Variants in MYL2 observed in about 807,000 individuals in gnomAD.
The protein encoded by MYL2 is myosin light chain 2, also known as myosin regulatory light chain 2, ventricular/cardiac muscle isoform.
Under a neutral mutation model 23.0 loss-of-function variants are expected in MYL2, and 19 were observed. The ratio of observed to expected loss-of-function variants is 0.83; its 90% CI spans 0.58 to 1.21. The LOEUF (loss-of-function observed/expected upper bound fraction) is 1.21, where lower values mean the gene tolerates loss of function less well. Ranked by LOEUF, MYL2 falls within the 50% of genes most tolerant of loss-of-function variation. The pLI is 0.00. For missense variants in MYL2, 180 were observed against 215.1 expected (o/e 0.84, Z 1.02); for synonymous variants, 78 against 76.2 (o/e 1.02, Z -0.13).
chr12:110,915,925 A>G (rs1409880780), intron 2 of MYL2, 135 bp from the exon 3 acceptor site: 7 of 789,030 alleles, frequency 8.9e-6, no homozygotes, highest in Non-Finnish European at 1.6e-5. Context: ...TTAAAAGTCA[A>G]CAATTGAAGA....
chr12:110,911,967 G>A (rs2071655714), intron 6 of MYL2, among the ~76,000 whole-genome samples: 1 of 152,200 alleles, frequency 6.6e-6, no homozygotes, highest in Admixed American at 6.5e-5. Context: ...AATCTCCTAT[G>A]AGGTAGCTTC....
upstream of MYL2, chr12:110,920,863 GA>G (rs1413287869): frequency 2.3e-5 from 11 of 475,802 alleles, no homozygotes; most frequent in East Asian, 7.4e-5. Context: ...TCAATTTTGA[GA>G]AAAAAAATGG....
intron 4 of MYL2, 55 bp downstream of exon 4, chr12:110,914,131 C>T: frequency 9.1e-6 from 12 of 1,314,452 alleles, no homozygotes; most frequent in Non-Finnish European, 1.2e-5. Flanking sequence ...TGCCAGCCCC[C>T]CCGAAGAAAC....
In MYL2 at chr12:110,919,149, G is replaced by A. The variant is rs552004172; in HGVS notation, c.48C>T (p.Asn16=). 46 of 1,613,862 alleles carry A rather than the reference G, an allele frequency of 2.9e-5. No homozygotes were observed. The highest frequency in any genetic ancestry group is 8.8e-5 in the South Asian group (8 of 91,062). ...GGGTCTGTTCGAACATGGAGAACAC[G>A]TTGGAGTTGGCGCCCCCGGCTCTCT... ...AKKRAGGANS[N]VFSMFEQTQI... is the part of the protein sequence containing the mutation. Residue 16 remains asparagine (N), a synonymous_variant, in exon 2 of 7, where the codon AAC becomes AAT. Coordinates refer to ENST00000228841, the MANE Select transcript of MYL2 (RefSeq NM_000432.4).
In MYL2 at chr12:110,913,017, A is replaced by G; in HGVS notation, c.402+79T>C. On this transcript the variant is annotated intron_variant, in intron 6 of 6. Transcript: ENST00000228841. ...GTCAGTGTGGGGTCAGGGGTGCTTT[A>G]GACGAGAGGGGAGACGGAGCCCCCC... is the stretch of plus-strand genomic sequence containing the variant. The G allele has an allele frequency of 3.3e-6, 5 of 1,504,442 alleles. No homozygotes were observed. In the South Asian group the frequency reaches 5.6e-5, roughly 17 times the overall value. The allele number at this position is 1,504,442 out of a possible 1,614,324, so 93.2% of individuals were successfully genotyped here.
At chr12:110,912,111 A>C (rs1258207500) in intron 6 of MYL2, among the ~76,000 whole-genome samples, 1 of 152,174 alleles carries the variant, frequency 6.6e-6, no homozygotes. Context: ...GAAAATCTAC[A>C]TACAATTTTT....
At chr12:110,917,873 C>T (rs563405356) in intron 2 of MYL2, among the ~76,000 whole-genome samples, 2 of 152,270 alleles carry the variant, frequency 1.3e-5, no homozygotes, top group South Asian at 2.1e-4. Flanking sequence ...TGCTCGAGCC[C>T]AGGAGTTTGA....
upstream of MYL2, chr12:110,920,758 G>T (rs2071718736): frequency 1.6e-6 from 1 of 631,498 alleles, no homozygotes; most frequent in South Asian, 1.9e-5. Flanking sequence ...CCCCAAAAAG[G>T]CATTCAAGGT....
At chr12:110,920,835 C>G (rs549333956), upstream of MYL2, 13 of 530,418 alleles carry the variant, frequency 2.5e-5, no homozygotes, top group Non-Finnish European at 3.7e-5. Context: ...GTGCTTGGGC[C>G]GGGGACACTT....
chr12:110,912,935 A>G (rs1479049799), intron 6 of MYL2, among the ~76,000 whole-genome samples, 161 bp downstream of exon 6: 10 of 152,162 alleles, frequency 6.6e-5, no homozygotes, highest in Non-Finnish European at 1.5e-5. Context: ...TCCCTACCTC[A>G]TAGGGTGGCA....
chr12:110,914,454 G>T, intron 3 of MYL2, 164 bp from the exon 4 acceptor site: 1 of 657,276 alleles, frequency 1.5e-6, no homozygotes. Flanking sequence ...GTTCTTGACA[G>T]TGTTATTTAT....
chr12:110,914,580 A>G (rs1157643002), intron 3 of MYL2, among the ~76,000 whole-genome samples: 1 of 152,136 alleles, frequency 6.6e-6, no homozygotes, highest in East Asian at 1.9e-4. Flanking sequence ...GTGTAGTGGT[A>G]CAATCTCGAC....
At position 110,915,781 on chromosome 12, in the gene MYL2, T is replaced by C. The variant is rs730880946; in HGVS notation, c.103A>G (p.Ile35Val). Residue 35 changes from isoleucine to valine, a missense_variant, in exon 3 of 7, where the codon ATC (isoleucine) becomes GTC (valine). Ile to Val is a conservative substitution (Grantham distance 29, BLOSUM62 3). Transcript: ENST00000228841. Reference protein sequence around the residue: ...QIQEFKEAFTIMDQNRDGFID... With the variant: ...QIQEFKEAFTVMDQNRDGFID... ...AAGCCATCCCTGTTCTGGTCCATGA[T>C]AGTGAAGGCCTGTGGAAGGGAAGTG... The C allele has an allele frequency of 1.2e-6, 2 of 1,614,096 alleles. No homozygotes were observed. The highest frequency in any genetic ancestry group is 1.7e-6 in the Non-Finnish European group (2 of 1,179,990).
intron 2 of MYL2, 33 bp downstream of exon 2, chr12:110,919,071 C>T (rs2071703326): frequency 6.2e-7 from 1 of 1,601,244 alleles, no homozygotes; most frequent in Non-Finnish European, 8.6e-7. Context: ...GTGGGATTTC[C>T]ATCCAGGCGG....
upstream of MYL2, chr12:110,920,655 C>A: frequency 2.0e-6 from 3 of 1,465,134 alleles, no homozygotes; most frequent in South Asian, 3.4e-5. Flanking sequence ...TTTTGGCAGT[C>A]ATAGGTGAGG....
chr12:110,913,804 G>C (rs551157774), intron 4 of MYL2, among the ~76,000 whole-genome samples: 1 of 152,148 alleles, frequency 6.6e-6, no homozygotes, highest in Non-Finnish European at 1.5e-5. Context: ...CAAGGCCGGA[G>C]TGCAGTGGCA....
intron 6 of MYL2, 112 bp downstream of exon 6, chr12:110,912,984 G>T: frequency 1.7e-6 from 2 of 1,174,890 alleles, no homozygotes; most frequent in South Asian, 1.2e-5. Context: ...GACGATAGCT[G>T]GTTCTCTGTC....
chr12:110,918,875 A>C lies in MYL2; in HGVS notation c.93+229T>G, dbSNP rs1452776172. Reference sequence around the variant, plus strand: ...TTTCCTTTTCTGTGCTTTTCTGAAAAATTTTCCAACATTTTTCAACATGGA... The same window carrying C: ...TTTCCTTTTCTGTGCTTTTCTGAAACATTTTCCAACATTTTTCAACATGGA... On this transcript the variant is annotated intron_variant, in intron 2 of 6. Transcript: ENST00000228841. This position sits in a 1 kb window ranked among gnomAD's most constrained non-coding sequence, Gnocchi z 4.4. The C allele has an allele frequency of 7.3e-6, 4 of 547,778 alleles. No individual in the cohort carries two copies. Among genetic ancestry groups the C allele is most frequent in the Non-Finnish European group, 6.5e-6 (2 of 308,536 alleles). 33.9% of individuals were successfully genotyped at this position (547,778 alleles called of 1,614,324 possible).
At chr12:110,919,043 G>A in intron 2 of MYL2, 61 bp downstream of exon 2, 1 of 1,495,556 alleles carries the variant, frequency 6.7e-7, no homozygotes, top group Non-Finnish European at 9.3e-7. Context: ...GGAACAAAAA[G>A]AAGGTTCTCC....
Sources: gnomAD v4.1 joint callset for allele counts (sites outside exome capture counted in the v4.1 genomes callset) on GRCh38, gnomAD v4.1.1 for gene constraint, Gnocchi (gnomAD v3.1) non-coding constraint, MANE v1.5 for transcripts, NCBI Gene and HGNC (gene_info 2026-07-23, HGNC 2026-07-21) for gene names.